Variants in UNC80 observed in about 807,000 individuals in gnomAD.
The protein encoded by UNC80 is unc-80 subunit of NALCN channel complex, also known as protein unc-80 homolog.
UNC80 carries 164 observed loss-of-function variants against 384.6 expected under a neutral mutation model. The observed-to-expected ratio is 0.43, with a 90% CI of 0.38 to 0.49. The LOEUF (loss-of-function observed/expected upper bound fraction) is 0.49. Ranked by LOEUF, UNC80 falls within the 20% of genes least tolerant of loss-of-function variation. UNC80 has a pLI of 0.00. For missense variants in UNC80, 3,330 were observed against 4,143.0 expected, an observed-to-expected ratio of 0.80 and a Z score of 5.39; for synonymous variants, 1,486 against 1,527.8, an observed-to-expected ratio of 0.97 and a Z score of 0.64.
At chr2:209,813,098 A>G (rs2079481926) in intron 7 of UNC80, among the ~76,000 whole-genome samples, 1 of 152,262 alleles carries the variant, frequency 6.6e-6, no homozygotes, top group Admixed American at 6.5e-5. Flanking sequence ...TGAAGTAGGC[A>G]AGGCAAATAT....
intron 34 of UNC80, among the ~76,000 whole-genome samples, chr2:209,921,926 T>C (rs866680576): frequency 1.1e-4 from 17 of 152,192 alleles, no homozygotes; most frequent in Non-Finnish European, 2.4e-4. Flanking sequence ...GAATCCAGTA[T>C]GTGTATTAAA....
intron 42 of UNC80, among the ~76,000 whole-genome samples, chr2:209,938,008 C>T (rs2091364799): frequency 6.6e-6 from 1 of 151,698 alleles, no homozygotes; most frequent in Non-Finnish European, 1.5e-5. Context: ...GCTGGCTACA[C>T]AGTAAAAGGG....
intron 21 of UNC80, among the ~76,000 whole-genome samples, chr2:209,846,437 C>T (rs2082177458): frequency 1.3e-5 from 2 of 151,910 alleles, no homozygotes; most frequent in South Asian, 2.1e-4. Context: ...ACGTTTACTG[C>T]ACATCTTGTA....
chr2:209,900,556 G>A (rs549373681), intron 28 of UNC80, among the ~76,000 whole-genome samples: 2 of 152,168 alleles, frequency 1.3e-5, no homozygotes, highest in Non-Finnish European at 2.9e-5. Flanking sequence ...CTGAGACACA[G>A]CAATATTGAA....
chr2:209,913,379 T>C (rs1363854157), intron 30 of UNC80, among the ~76,000 whole-genome samples: 1 of 152,186 alleles, frequency 6.6e-6, no homozygotes, highest in Non-Finnish European at 1.5e-5. Context: ...ATGCCATGCA[T>C]GTTCACAATG....
At chr2:209,867,676 T>G (rs188780171) in intron 22 of UNC80, among the ~76,000 whole-genome samples, 1 of 152,204 alleles carries the variant, frequency 6.6e-6, no homozygotes, top group East Asian at 1.9e-4. Flanking sequence ...TGCCAACTTT[T>G]AACTTGTGGC....
chr2:209,878,680 A>T (rs2084997564), intron 24 of UNC80, among the ~76,000 whole-genome samples: 1 of 152,344 alleles, frequency 6.6e-6, no homozygotes, highest in South Asian at 2.1e-4. Flanking sequence ...AGACAAAAAG[A>T]TTCCTATTAC....
chr2:209,773,981 A>C (rs1032795551), intron 2 of UNC80, among the ~76,000 whole-genome samples: 1 of 152,350 alleles, frequency 6.6e-6, no homozygotes, highest in East Asian at 1.9e-4. Context: ...GCAAAATTGA[A>C]ATGGACTTTT....
Position 209,998,232 on chromosome 2 carries a change from G to C in UNC80, c.*2637G>C, listed in dbSNP as rs2093511261. Reference sequence around the variant, plus strand: ...AATAAACCATGTGTTATCCATGATAGTATGACTCAGATCCAATTAAAACAG... The same window carrying C: ...AATAAACCATGTGTTATCCATGATACTATGACTCAGATCCAATTAAAACAG... On this transcript the variant is annotated 3_prime_UTR_variant, in exon 65 of 65. Transcript: ENST00000673920. 1.3e-5 allele frequency: 2 copies of C among 152,218 alleles called. No homozygotes were observed. The highest frequency in any genetic ancestry group is 1.3e-4 in the Admixed American group (2 of 15,290). 9.4% of individuals were successfully genotyped at this position (152,218 alleles called of 1,614,324 possible).
chr2:209,851,868 C>A (rs952271353), intron 22 of UNC80, among the ~76,000 whole-genome samples: 9 of 152,004 alleles, frequency 5.9e-5, no homozygotes, highest in Non-Finnish European at 8.8e-5. Context: ...CATACTGACT[C>A]TCTTATTAAA....
intron 22 of UNC80, among the ~76,000 whole-genome samples, chr2:209,863,920 A>AT (rs1388398332): frequency 6.6e-6 from 1 of 151,658 alleles, no homozygotes; most frequent in East Asian, 2.0e-4. Context: ...GCACCCTGAC[A>AT]TTTCGGGTCT....
Position 209,829,390 on chromosome 2 carries a change from C to T in UNC80, c.2626+11C>T. On this transcript the variant is annotated intron_variant, in intron 15 of 64. Transcript: ENST00000673920. ...AGCCGGTCACTGACAGTAAGTAAAG[C>T]TGCACCCAAGTTCTAGGAGAAGTCG... The T allele has an allele frequency of 6.4e-7, 1 of 1,550,984 alleles. No individual in the cohort carries two copies. The highest frequency in any genetic ancestry group is 1.4e-5 in the African/African-American group (1 of 73,096).
Position 209,840,617 on chromosome 2 carries a change from A to G in UNC80, c.3326A>G (p.Asp1109Gly). 3 of 1,552,052 alleles carry G rather than the reference A, an allele frequency of 1.9e-6. No homozygotes were observed. The highest frequency in any genetic ancestry group is 2.6e-6 in the Non-Finnish European group (3 of 1,147,014). The change falls in exon 20 of 65, where the codon GAC becomes GGC. Residue 1109 changes from aspartate to glycine, a missense_variant. Around this residue, in one of 8 missense-constraint regions of UNC80, gnomAD observed 801 missense variants for 950.8 expected, o/e 0.84. Coordinates refer to ENST00000673920, the MANE Select transcript of UNC80 (RefSeq NM_001371986.1). ...GACCTCCTGGACATTAGCTCTGTGGACCGACTCTCTTTCATCAGGCAAAGC... is the reference window on the plus strand; with the variant it reads ...GACCTCCTGGACATTAGCTCTGTGGGCCGACTCTCTTTCATCAGGCAAAGC... ...VEDLLDISSVDRLSFIRQSSK... is the reference protein window; with the variant it reads ...VEDLLDISSVGRLSFIRQSSK...
intron 29 of UNC80, 80 bp downstream of exon 29, chr2:209,905,045 T>A (rs530402480): frequency 2.0e-5 from 28 of 1,430,098 alleles, no homozygotes; most frequent in Non-Finnish European, 2.6e-5. Context: ...AATAAGAATT[T>A]TCAAGCAAAT....
intron 7 of UNC80, among the ~76,000 whole-genome samples, chr2:209,807,873 T>C (rs990454656): frequency 6.6e-6 from 1 of 152,258 alleles, no homozygotes; most frequent in Non-Finnish European, 1.5e-5. Context: ...AAACTAGTGA[T>C]TGGATAACAC....
At chr2:209,828,543 C>T (rs1487869667) in intron 14 of UNC80, among the ~76,000 whole-genome samples, 2 of 151,248 alleles carry the variant, frequency 1.3e-5, no homozygotes, top group African/African-American at 4.9e-5. Flanking sequence ...GAATTTTTTC[C>T]TGGGCCTTGA....
chr2:209,856,005 T>G (rs1466481921), intron 22 of UNC80, among the ~76,000 whole-genome samples: 4 of 152,152 alleles, frequency 2.6e-5, no homozygotes, highest in Non-Finnish European at 5.9e-5. Context: ...AACCTATGAG[T>G]AAAATTATTG....
chr2:209,924,861 A>T (rs185916799), intron 35 of UNC80, among the ~76,000 whole-genome samples: 1 of 152,078 alleles, frequency 6.6e-6, no homozygotes, highest in Admixed American at 6.5e-5. Context: ...AACCTTGTGA[A>T]CAGGGATTTT....
chr2:209,830,227 G>A (rs768507680), intron 15 of UNC80, among the ~76,000 whole-genome samples: 2 of 152,142 alleles, frequency 1.3e-5, no homozygotes, highest in Non-Finnish European at 2.9e-5. Flanking sequence ...AGTTTTCCTG[G>A]TTGTAACCCA....
Sources: gnomAD v4.1 joint callset for allele counts (sites outside exome capture counted in the v4.1 genomes callset) on GRCh38, gnomAD v4.1.1 for gene constraint, gnomAD v4.1.1 regional missense constraint, MANE v1.5 for transcripts, NCBI Gene and HGNC (gene_info 2026-07-23, HGNC 2026-07-21) for gene names.